PDE4D: variants seen among roughly 807,000 people sequenced by gnomAD.
PDE4D encodes phosphodiesterase 4D.
Under a neutral mutation model 87.4 loss-of-function variants are expected in PDE4D, and 24 were observed. That is an observed-to-expected ratio of 0.27 (90% CI 0.20 to 0.39). PDE4D has a LOEUF of 0.39. PDE4D is among the 10% of genes least tolerant of loss of function. PDE4D has a pLI of 1.00. For missense variants in PDE4D, 714 were observed against 1,041.0 expected (o/e 0.69, Z 4.32); for synonymous variants, 384 against 383.2 (o/e 1.00, Z -0.02).
At chr5:60,185,523 G>A in intron 2 of PDE4D, 4 of 1,424,876 alleles carry the variant, frequency 2.8e-6, no homozygotes, top group Non-Finnish European at 3.8e-6. Context: ...ATGTACATGT[G>A]TTTAGAAAAT....
intron 1 of PDE4D, chr5:59,529,288 A>C (rs1813720374): frequency 2.8e-6 from 1 of 355,010 alleles, no homozygotes; most frequent in Non-Finnish European, 5.7e-6. Context: ...ATCTTGCTTA[A>C]ATAAATTGTC....
chr5:60,448,198 T>C (rs1385374216), intron 1 of PDE4D, among the ~76,000 whole-genome samples: 1 of 152,074 alleles, frequency 6.6e-6, no homozygotes, highest in African/African-American at 2.4e-5. Flanking sequence ...ATTCTTAAAG[T>C]TTTCATTGAT....
intron 1 of PDE4D, among the ~76,000 whole-genome samples, chr5:59,452,725 G>T (rs1562215519): frequency 6.6e-6 from 1 of 152,186 alleles, no homozygotes. Flanking sequence ...ACTATAAAGG[G>T]CAGAGAAAGG....
At chr5:60,344,262 C>A (rs1758554037) in intron 1 of PDE4D, among the ~76,000 whole-genome samples, 2 of 152,240 alleles carry the variant, frequency 1.3e-5, no homozygotes, top group Admixed American at 1.3e-4. Context: ...ACGGACATAG[C>A]AAGGGGTTTT....
intron 1 of PDE4D, among the ~76,000 whole-genome samples, chr5:59,466,651 G>T (rs1477047169): frequency 6.6e-6 from 1 of 152,158 alleles, no homozygotes; most frequent in Non-Finnish European, 1.5e-5. Context: ...ATTTGGTCCT[G>T]TTATGCTACT....
chr5:59,524,444 A>G (rs1038443008), intron 1 of PDE4D, among the ~76,000 whole-genome samples: 7 of 152,186 alleles, frequency 4.6e-5, no homozygotes, highest in African/African-American at 1.7e-4. Context: ...AGATCTGTGG[A>G]ACTGTGAATT....
chr5:59,096,529 G>A (rs911974677), intron 5 of PDE4D, among the ~76,000 whole-genome samples: 5 of 152,092 alleles, frequency 3.3e-5, no homozygotes, highest in Admixed American at 1.3e-4. Flanking sequence ...TCAGGAGAGG[G>A]GCTATACCCT....
intron 6 of PDE4D, among the ~76,000 whole-genome samples, 153 bp downstream of exon 6, chr5:59,038,706 A>C (rs1759005539): frequency 6.6e-6 from 1 of 152,206 alleles, no homozygotes; most frequent in South Asian, 2.1e-4. Flanking sequence ...CAAAGCAAGG[A>C]AACAGGAACC....
intron 1 of PDE4D, among the ~76,000 whole-genome samples, chr5:59,558,137 T>C (rs1051329204): frequency 2.0e-5 from 3 of 152,184 alleles, no homozygotes; most frequent in African/African-American, 7.2e-5. Context: ...ATCTACTATA[T>C]ATTAAGTGCT....
chr5:60,171,801 C>T (rs1035352525), intron 2 of PDE4D, among the ~76,000 whole-genome samples: 2 of 151,944 alleles, frequency 1.3e-5, no homozygotes, highest in Admixed American at 6.6e-5. Flanking sequence ...GTATTCCATA[C>T]TCATATCCAG....
At chr5:59,789,200 G>T (rs912056630) in intron 1 of PDE4D, among the ~76,000 whole-genome samples, 1 of 152,156 alleles carries the variant, frequency 6.6e-6, no homozygotes, top group African/African-American at 2.4e-5. Context: ...GTTTCAAGTG[G>T]TGAAGACCAT....
chr5:59,719,572 A>G (rs796072170), intron 1 of PDE4D, among the ~76,000 whole-genome samples: 4 of 152,322 alleles, frequency 2.6e-5, no homozygotes, highest in African/African-American at 9.6e-5. Flanking sequence ...AGCTGGTACT[A>G]CTACCTGGCT....
At chr5:59,085,636 G>A (rs979213409) in intron 5 of PDE4D, among the ~76,000 whole-genome samples, 7 of 152,150 alleles carry the variant, frequency 4.6e-5, no homozygotes, top group Admixed American at 1.3e-4. Flanking sequence ...TAAACTGAGT[G>A]TCCCAGGCAC....
At chr5:59,896,022 T>C (rs1416915512), upstream of PDE4D, among the ~76,000 whole-genome samples, 1 of 152,234 alleles carries the variant, frequency 6.6e-6, no homozygotes, top group Non-Finnish European at 1.5e-5. Flanking sequence ...GTAGAGTTTT[T>C]AATTTAACTT....
intron 3 of PDE4D, among the ~76,000 whole-genome samples, chr5:59,912,207 C>A (rs1281602374): frequency 1.3e-5 from 2 of 152,106 alleles, no homozygotes; most frequent in Non-Finnish European, 2.9e-5. Context: ...GAAACCAATC[C>A]CAATGACAGA....
intron 3 of PDE4D, among the ~76,000 whole-genome samples, chr5:59,189,122 A>G (rs1344494906): frequency 1.3e-5 from 2 of 152,120 alleles, no homozygotes; most frequent in Non-Finnish European, 2.9e-5. Context: ...TTACCAACTA[A>G]ATGGTAATAT....
chr5:59,260,471 T>C (rs1761794647), intron 1 of PDE4D, among the ~76,000 whole-genome samples: 2 of 151,898 alleles, frequency 1.3e-5, no homozygotes, highest in South Asian at 2.1e-4. Context: ...ATCTCTTTTA[T>C]ACACTTAACA....
chr5:59,237,782 GGTGTGT>G (rs61375269), intron 1 of PDE4D, among the ~76,000 whole-genome samples: 470 of 29,466 alleles, frequency 0.016, 3 homozygotes, highest in African/African-American at 0.035. Context: ...CCCTCATATA[GGTGTGT>G]GTGTGTGTGT....
chr5:59,272,628 T>A (rs572529957), intron 1 of PDE4D, among the ~76,000 whole-genome samples: 1 of 152,114 alleles, frequency 6.6e-6, no homozygotes, highest in Non-Finnish European at 1.5e-5. Context: ...CAACCTAGTA[T>A]ACACCTTTAT....
Sources: gnomAD v4.1 joint callset for allele counts (sites outside exome capture counted in the v4.1 genomes callset) on GRCh38, gnomAD v4.1.1 for gene constraint, MANE v1.5 for transcripts, NCBI Gene and HGNC (gene_info 2026-07-23, HGNC 2026-07-21) for gene names.